Variants in CMBL observed in about 807,000 individuals in gnomAD.
CMBL encodes carboxymethylenebutenolidase homolog (Pseudomonas).
Under a neutral mutation model 28.7 loss-of-function variants are expected in CMBL, and 17 were observed. The ratio of observed to expected loss-of-function variants is 0.59; its 90% CI spans 0.41 to 0.89. The LOEUF is 0.89. Ranked by LOEUF, CMBL falls within the 40% of genes least tolerant of loss-of-function variation. The pLI, the probability that CMBL is intolerant of heterozygous loss-of-function variation, is 0.00. For missense variants in CMBL, 310 were observed against 298.5 expected (o/e 1.04, Z -0.28); for synonymous variants, 106 against 101.6 (o/e 1.04, Z -0.26).
At chr5:10,305,763 G>A (rs1041584686) in intron 1 of CMBL, among the ~76,000 whole-genome samples, 5 of 152,048 alleles carry the variant, frequency 3.3e-5, no homozygotes, top group African/African-American at 1.2e-4. Flanking sequence ...TAGAGACTGG[G>A]TTTCACCATG....
intron 1 of CMBL, among the ~76,000 whole-genome samples, chr5:10,296,639 C>T (rs973248770): frequency 2.6e-5 from 4 of 152,104 alleles, no homozygotes; most frequent in African/African-American, 9.7e-5. Flanking sequence ...GGTCCTTCAA[C>T]ACTAACACTT....
chr5:10,303,783 T>C (rs950688261), intron 1 of CMBL, among the ~76,000 whole-genome samples: 20 of 152,210 alleles, frequency 1.3e-4, no homozygotes, highest in African/African-American at 4.8e-4. Flanking sequence ...CTTTCTTTTC[T>C]AAAGGCTAAA....
chr5:10,284,387 T>A (rs1215197742), intron 4 of CMBL, among the ~76,000 whole-genome samples: 1 of 152,226 alleles, frequency 6.6e-6, no homozygotes, highest in Non-Finnish European at 1.5e-5. Flanking sequence ...TGAGGAACCA[T>A]TAACCCAAGA....
At chr5:10,301,902 C>T in intron 1 of CMBL, among the ~76,000 whole-genome samples, 1 of 152,144 alleles carries the variant, frequency 6.6e-6, no homozygotes, top group East Asian at 1.9e-4. Flanking sequence ...AAAATCCTGG[C>T]CATTCCAGGA....
At position 10,301,591 on chromosome 5, in the gene CMBL, T is replaced by C. The variant is rs115310960; in HGVS notation, c.-20+6034A>G. Among the ~76,000 whole-genome samples the C allele has an allele frequency of 8.9e-3, 1,288 of 145,354 alleles. 17 individuals are homozygous for C. Among genetic ancestry groups the C allele is most frequent in the African/African-American group, 0.032 (1,214 of 38,536 alleles). ...TCAGGCCTGTAGAGCTTTCTTTTTTTCTTTTTCTTTTCGGGTTTTTTTTTT... is the reference window on the plus strand; with the variant it reads ...TCAGGCCTGTAGAGCTTTCTTTTTTCCTTTTTCTTTTCGGGTTTTTTTTTT... On this transcript the variant is annotated intron_variant, in intron 1 of 5. Transcript: ENST00000296658.
At chr5:10,284,810 T>C (rs1746567255) in intron 4 of CMBL, among the ~76,000 whole-genome samples, 1 of 152,238 alleles carries the variant, frequency 6.6e-6, no homozygotes, top group African/African-American at 2.4e-5. Flanking sequence ...CTATATTTCC[T>C]ATGTGTCTTT....
chr5:10,297,711 C>T (rs1055156444), intron 1 of CMBL, among the ~76,000 whole-genome samples: 3 of 151,330 alleles, frequency 2.0e-5, no homozygotes, highest in South Asian at 2.1e-4. Flanking sequence ...GGAAAACAAA[C>T]AAAACACAAT....
intron 1 of CMBL, among the ~76,000 whole-genome samples, chr5:10,291,693 AG>A (rs1746723516): frequency 1.3e-5 from 2 of 152,254 alleles, no homozygotes; most frequent in South Asian, 4.1e-4. Context: ...GAAAAGAAAA[AG>A]AAAGCAATCC....
At chr5:10,302,586 C>T (rs1579478543) in intron 1 of CMBL, among the ~76,000 whole-genome samples, 2 of 148,676 alleles carry the variant, frequency 1.3e-5, no homozygotes, top group South Asian at 2.1e-4. Context: ...GAGGTTGCAG[C>T]GAGACTCTGT....
rs183548880 is a variant in CMBL, at chr5:10,286,261, G to T, written c.466+93C>A. On this transcript the variant is annotated intron_variant, in intron 4 of 5. Transcript: ENST00000296658. ...GATGGGCAGTCTTCACATTATTGGG[G>T]GTTGTGTTACACTGGATGGGGAGGC... is the stretch of plus-strand genomic sequence containing the variant. The T allele has an allele frequency of 1.3e-4, 165 of 1,242,210 alleles. No homozygotes were observed. The African/African-American group carries it at 2.0e-3, about 15-fold the overall frequency. 76.9% of individuals were successfully genotyped at this position (1,242,210 alleles called of 1,614,324 possible).
chr5:10,286,940 T>C (rs111926421), intron 3 of CMBL, among the ~76,000 whole-genome samples: 3,221 of 152,274 alleles, frequency 0.021, 109 homozygotes, highest in African/African-American at 0.071. Flanking sequence ...GCCATAACTA[T>C]GGGCAGACGC....
chr5:10,302,140 C>G (rs1746912553), intron 1 of CMBL, among the ~76,000 whole-genome samples: 1 of 152,186 alleles, frequency 6.6e-6, no homozygotes, highest in South Asian at 2.1e-4. Context: ...GCAGGGCGAA[C>G]AGTTTCTACC....
At chr5:10,307,251 GC>G (rs1327528756) in intron 1 of CMBL, 2 of 152,184 alleles carry the variant, frequency 1.3e-5, no homozygotes, top group African/African-American at 2.4e-5. Flanking sequence ...ATGTCTCACT[GC>G]AGGAAGAGAG....
intron 4 of CMBL, among the ~76,000 whole-genome samples, chr5:10,282,495 A>C (rs1579469588): frequency 2.0e-5 from 3 of 152,260 alleles, no homozygotes; most frequent in African/African-American, 7.2e-5. Flanking sequence ...GATTAGCGTA[A>C]AAGAAGGCCG....
chr5:10,286,164 G>T, intron 4 of CMBL, 190 bp downstream of exon 4: 1 of 547,270 alleles, frequency 1.8e-6, no homozygotes, highest in Non-Finnish European at 3.1e-6. Flanking sequence ...TTGACTCCCG[G>T]TGACATCCTC....
At chr5:10,302,036 C>T (rs142857802) in intron 1 of CMBL, among the ~76,000 whole-genome samples, 29 of 152,336 alleles carry the variant, frequency 1.9e-4, no homozygotes, top group African/African-American at 7.0e-4. Flanking sequence ...ACAGGAGACG[C>T]CCGTGTGTGT....
At chr5:10,284,100 T>C (rs1313977495) in intron 4 of CMBL, among the ~76,000 whole-genome samples, 1 of 152,212 alleles carries the variant, frequency 6.6e-6, no homozygotes, top group Admixed American at 6.5e-5. Flanking sequence ...CTACTTCATG[T>C]GGATGGGCCT....
intron 1 of CMBL, among the ~76,000 whole-genome samples, chr5:10,301,730 T>C (rs1264988330): frequency 6.6e-6 from 1 of 150,772 alleles, no homozygotes; most frequent in Non-Finnish European, 1.5e-5. Flanking sequence ...GCCTCCCAAG[T>C]AGCTGGGACT....
chr5:10,291,400 C>T (rs151310583), intron 1 of CMBL, among the ~76,000 whole-genome samples: 2,285 of 152,256 alleles, frequency 0.015, 60 homozygotes, highest in African/African-American at 0.052. Flanking sequence ...CGGTGGCTCA[C>T]GCCTGTAATC....
Sources: allele counts gnomAD v4.1 joint callset (sites outside exome capture counted in the v4.1 genomes callset), GRCh38; gene constraint gnomAD v4.1.1; transcripts MANE v1.5; gene names NCBI Gene and HGNC (gene_info 2026-07-23, HGNC 2026-07-21).